PTK2B: variants seen among roughly 807,000 people sequenced by gnomAD.
PTK2B encodes the protein protein-tyrosine kinase 2-beta.
PTK2B carries 71 observed loss-of-function variants against 142.9 expected under a neutral mutation model. The observed-to-expected ratio is 0.50, with a 90% CI of 0.41 to 0.61. PTK2B has a LOEUF of 0.61. Among genes scored for constraint, PTK2B ranks in the 20% least tolerant of loss-of-function variants. The probability of loss-of-function intolerance (pLI) is 0.00; values close to 1 mark genes in which losing one functional copy is unlikely to be tolerated. For missense variants in PTK2B, 1,105 were observed against 1,320.4 expected (o/e 0.84, Z 2.53); for synonymous variants, 519 against 503.4 (o/e 1.03, Z -0.42).
chr8:27,351,994 A>T (rs1411750177), intron 1 of PTK2B, among the ~76,000 whole-genome samples: 2 of 152,208 alleles, frequency 1.3e-5, no homozygotes, highest in Admixed American at 1.3e-4. Context: ...TCTTCAATAA[A>T]TATGACTCAG....
intron 8 of PTK2B, 166 bp from the exon 9 acceptor site, chr8:27,431,232 G>A (rs1236890127): frequency 2.7e-6 from 4 of 1,506,186 alleles, no homozygotes; most frequent in South Asian, 2.6e-5. Context: ...GGGCAGGACA[G>A]GCAAGGTGTC....
At chr8:27,311,567 G>T in exon 1 of PTK2B, 1 of 371,786 alleles carries the variant, frequency 2.7e-6, no homozygotes, top group Non-Finnish European at 4.8e-6. Flanking sequence ...GGGCTTCCGT[G>T]TTACTGGAAA....
At chr8:27,429,068 G>A (rs1810252985) in intron 5 of PTK2B, among the ~76,000 whole-genome samples, 1 of 152,036 alleles carries the variant, frequency 6.6e-6, no homozygotes, top group Admixed American at 6.6e-5. Context: ...CACCATGCCT[G>A]GCTAATTTTT....
intron 23 of PTK2B, among the ~76,000 whole-genome samples, chr8:27,445,591 G>A (rs1221624191): frequency 6.6e-6 from 1 of 152,132 alleles, no homozygotes; most frequent in Non-Finnish European, 1.5e-5. Context: ...GGGGAATGTT[G>A]GATGAATGAG....
At chr8:27,392,666 G>A (rs1420548632) in intron 1 of PTK2B, among the ~76,000 whole-genome samples, 7 of 152,176 alleles carry the variant, frequency 4.6e-5, no homozygotes, top group African/African-American at 1.4e-4. Flanking sequence ...GGAATTGAGA[G>A]CTATGTTCTC....
At chr8:27,368,107 C>A (rs372818335) in intron 1 of PTK2B, among the ~76,000 whole-genome samples, 1 of 152,216 alleles carries the variant, frequency 6.6e-6, no homozygotes, top group African/African-American at 2.4e-5. Flanking sequence ...TGTTAGCAGA[C>A]GCCAGATGGC....
chr8:27,417,266 G>T (rs1276606859), intron 2 of PTK2B, among the ~76,000 whole-genome samples: 1 of 152,214 alleles, frequency 6.6e-6, no homozygotes, highest in Non-Finnish European at 1.5e-5. Context: ...AAGTAGGAAT[G>T]AATTTCTGAT....
chr8:27,331,934 C>CCCCGCCCCCAGGT (rs927213328), intron 1 of PTK2B, among the ~76,000 whole-genome samples: 1 of 152,210 alleles, frequency 6.6e-6, no homozygotes, highest in Non-Finnish European at 1.5e-5. Flanking sequence ...TGTACCCAGT[C>CCCCGCCCCCAGGT]CCCGCCCCCA....
chr8:27,444,860 A>C (rs1811364565), intron 23 of PTK2B, among the ~76,000 whole-genome samples: 1 of 152,078 alleles, frequency 6.6e-6, no homozygotes, highest in Admixed American at 6.5e-5. Context: ...TCAAAAATTG[A>C]TCCCCTCAAC....
At chr8:27,456,375 A>T (rs573412750) in intron 30 of PTK2B, among the ~76,000 whole-genome samples, 3 of 152,210 alleles carry the variant, frequency 2.0e-5, no homozygotes, top group African/African-American at 7.2e-5. Flanking sequence ...TATAACGGCT[A>T]TGGTTGGTGA....
intron 1 of PTK2B, among the ~76,000 whole-genome samples, chr8:27,377,642 A>AG (rs1451165520): frequency 6.6e-6 from 1 of 152,218 alleles, no homozygotes; most frequent in Non-Finnish European, 1.5e-5. Flanking sequence ...CTCCGGAGGC[A>AG]GGAGAGAAGA....
At chr8:27,397,498 G>A (rs995052866) in intron 1 of PTK2B, 50 bp from the exon 2 acceptor site, 7 of 1,400,154 alleles carry the variant, frequency 5.0e-6, no homozygotes, top group Non-Finnish European at 7.0e-6. Flanking sequence ...CATGAGGTAT[G>A]TGGGCCTGTG....
intron 1 of PTK2B, among the ~76,000 whole-genome samples, chr8:27,329,611 C>T (rs1004321198): frequency 9.9e-5 from 15 of 152,030 alleles, no homozygotes; most frequent in African/African-American, 3.6e-4. Context: ...TGCGACGTGC[C>T]CGGGGCTGAA....
chr8:27,361,692 C>CT (rs1805715551), intron 1 of PTK2B, among the ~76,000 whole-genome samples: 1 of 152,146 alleles, frequency 6.6e-6, no homozygotes, highest in African/African-American at 2.4e-5. Flanking sequence ...GGGCCCTTCT[C>CT]TTTCTGGTAT....
chr8:27,343,214 GTTTGTTTGTTT>G (rs1804515601), intron 1 of PTK2B, among the ~76,000 whole-genome samples: 3 of 152,138 alleles, frequency 2.0e-5, no homozygotes, highest in Admixed American at 2.0e-4. Context: ...TTTGTTTGTT[GTTTGTTTGTTT>G]ATTTTTTGCT....
At chr8:27,342,993 G>A (rs371179822) in intron 1 of PTK2B, among the ~76,000 whole-genome samples, 27 of 152,306 alleles carry the variant, frequency 1.8e-4, no homozygotes, top group Non-Finnish European at 2.5e-4. Context: ...AGGAGGAGGC[G>A]TTTGTGAAGC....
chr8:27,376,102 G>A (rs1806653695), intron 1 of PTK2B, among the ~76,000 whole-genome samples: 1 of 152,218 alleles, frequency 6.6e-6, no homozygotes, highest in South Asian at 2.1e-4. Flanking sequence ...GGGCTGTAAA[G>A]CCATGGGAGA....
intron 27 of PTK2B, 48 bp from the exon 28 acceptor site, chr8:27,453,066 G>T (rs1586363559): frequency 1.2e-6 from 2 of 1,607,296 alleles, no homozygotes; most frequent in Non-Finnish European, 1.7e-6. Flanking sequence ...GAAGGGAAGG[G>T]TTGGAGTGCT....
At chr8:27,313,282 G>C (rs1217488777) in exon 3 of PTK2B, 2 of 152,334 alleles carry the variant, frequency 1.3e-5, no homozygotes, top group Admixed American at 6.5e-5. Flanking sequence ...CCAGCCATGC[G>C]GAACTGTGAG....
Sources: allele counts gnomAD v4.1 joint callset (sites outside exome capture counted in the v4.1 genomes callset), GRCh38; gene constraint gnomAD v4.1.1; transcripts MANE v1.5; gene names NCBI Gene and HGNC (gene_info 2026-07-23, HGNC 2026-07-21).